The following TRAF3 variants were observed in gnomAD, a reference collection of about 807,000 sequenced individuals.
TRAF3 encodes the protein TNF receptor associated factor 3.
TRAF3 carries 13 observed loss-of-function variants against 62.3 expected under a neutral mutation model. The ratio of observed to expected loss-of-function variants is 0.21; its 90% CI spans 0.14 to 0.33. The LOEUF (loss-of-function observed/expected upper bound fraction) is 0.33. Ranked by LOEUF, TRAF3 falls within the 10% of genes least tolerant of loss-of-function variation. The pLI is 1.00. For synonymous variants in TRAF3, 269 were observed against 283.4 expected, an observed-to-expected ratio of 0.95 and a Z score of 0.51; for missense variants, 440 against 741.8, an observed-to-expected ratio of 0.59 and a Z score of 4.73.
intron 9 of TRAF3, among the ~76,000 whole-genome samples, chr14:102,896,818 C>G (rs1224012245): frequency 1.3e-5 from 2 of 152,192 alleles, no homozygotes; most frequent in East Asian, 3.8e-4. Context: ...AATCCCAACT[C>G]TTTGAGAGGC....
chr14:102,786,811 A>G (rs996239122), intron 1 of TRAF3, among the ~76,000 whole-genome samples: 3 of 152,146 alleles, frequency 2.0e-5, no homozygotes, highest in African/African-American at 7.2e-5. Flanking sequence ...ATAGTGTTAT[A>G]AGACCTTGTC....
intron 2 of TRAF3, among the ~76,000 whole-genome samples, chr14:102,835,719 C>G (rs949562962): frequency 2.0e-5 from 3 of 151,882 alleles, no homozygotes; most frequent in Non-Finnish European, 4.4e-5. Flanking sequence ...CACATGGACA[C>G]AAAGAAGGGA....
chr14:102,856,097 C>CAAAAAA (rs3070340), intron 2 of TRAF3, among the ~76,000 whole-genome samples: 4 of 62,944 alleles, frequency 6.4e-5, no homozygotes, highest in African/African-American at 2.3e-4. Flanking sequence ...CCCTGTCTCA[C>CAAAAAA]AAAAAAAAAA....
rs538121314 is a variant in TRAF3, at chr14:102,866,850, A to AACACACAC, written c.-17-3299_-17-3292dup. ...ACAGAACGAGACTCCATCTCTTGAA[A>AACACACAC]ACACACACACACACACACACACACA... On this transcript the variant is annotated intron_variant, in intron 2 of 11. Transcript: ENST00000392745. Among the ~76,000 whole-genome samples the AACACACAC allele has an allele frequency of 5.3e-3, 702 of 132,272 alleles. 6 individuals are homozygous for AACACACAC. Among genetic ancestry groups the AACACACAC allele is most frequent in the East Asian group, 0.018 (82 of 4,682 alleles). 86.8% of individuals were successfully genotyped at this position (132,272 alleles called of 152,430 possible). A position where few individuals can be genotyped will look rare whatever the true frequency, so the allele number is the denominator to read the frequency against.
At chr14:102,873,390 G>A (rs1051442586) in intron 4 of TRAF3, among the ~76,000 whole-genome samples, 3 of 152,182 alleles carry the variant, frequency 2.0e-5, no homozygotes, top group Non-Finnish European at 2.9e-5. Flanking sequence ...CATGGTACTC[G>A]GCCGCCTTGT....
intron 2 of TRAF3, among the ~76,000 whole-genome samples, chr14:102,836,611 G>C (rs771386219): frequency 2.0e-5 from 3 of 152,210 alleles, no homozygotes; most frequent in Non-Finnish European, 2.9e-5. Context: ...ATGCTACTTA[G>C]GAGAGTTTGT....
chr14:102,837,584 A>G (rs956818054), intron 2 of TRAF3, among the ~76,000 whole-genome samples: 3 of 152,164 alleles, frequency 2.0e-5, no homozygotes, highest in Non-Finnish European at 4.4e-5. Context: ...AATGTCATAT[A>G]TGAGTCCTAA....
intron 2 of TRAF3, among the ~76,000 whole-genome samples, chr14:102,846,702 G>A (rs191278854): frequency 1.3e-5 from 2 of 150,180 alleles, no homozygotes; most frequent in African/African-American, 4.9e-5. Flanking sequence ...TGTGGTCCCA[G>A]CTACTTGGGA....
intron 1 of TRAF3, among the ~76,000 whole-genome samples, chr14:102,789,813 AC>A (rs1897703189): frequency 6.7e-6 from 1 of 149,962 alleles, no homozygotes; most frequent in South Asian, 2.1e-4. Context: ...TGAATGTTAA[AC>A]TTTTTTTTTT....
intron 1 of TRAF3, among the ~76,000 whole-genome samples, chr14:102,817,043 G>A (rs1394900242): frequency 5.3e-5 from 8 of 152,286 alleles, no homozygotes; most frequent in African/African-American, 1.9e-4. Context: ...CATTTCCTGA[G>A]CCAGGCATTG....
chr14:102,868,653 A>G (rs1042890258), intron 2 of TRAF3, among the ~76,000 whole-genome samples: 2 of 152,222 alleles, frequency 1.3e-5, no homozygotes, highest in Middle Eastern at 3.2e-3. Flanking sequence ...TATCCAGAAA[A>G]CAAAGACCAG....
At chr14:102,779,661 A>G (rs1048157861) in intron 1 of TRAF3, among the ~76,000 whole-genome samples, 12 of 152,222 alleles carry the variant, frequency 7.9e-5, no homozygotes, top group African/African-American at 2.9e-4. Context: ...AGGTTAGGTG[A>G]GAATGATTGA....
intron 2 of TRAF3, among the ~76,000 whole-genome samples, chr14:102,849,674 T>C (rs2139721718): frequency 6.6e-6 from 1 of 152,348 alleles, no homozygotes; most frequent in South Asian, 2.1e-4. Flanking sequence ...CCTGCCTGTC[T>C]GGTAAGAATC....
intron 2 of TRAF3, among the ~76,000 whole-genome samples, chr14:102,851,626 C>T (rs1887044460): frequency 2.6e-5 from 4 of 152,222 alleles, no homozygotes; most frequent in African/African-American, 2.4e-5. Context: ...CACCTGTAGT[C>T]CCAGCTACTC....
chr14:102,781,380 G>A (rs554130026), intron 1 of TRAF3, among the ~76,000 whole-genome samples: 1 of 152,320 alleles, frequency 6.6e-6, no homozygotes, highest in South Asian at 2.1e-4. Context: ...ACTGTGAAGG[G>A]CATGGTCTGT....
chr14:102,902,946 C>G (rs1418574449), intron 10 of TRAF3: 2 of 421,836 alleles, frequency 4.7e-6, no homozygotes, highest in East Asian at 5.3e-5. Context: ...CACTTGCCAC[C>G]TGTCACTTTG....
intron 1 of TRAF3, among the ~76,000 whole-genome samples, chr14:102,779,145 G>A (rs1897164694): frequency 6.6e-6 from 1 of 152,140 alleles, no homozygotes; most frequent in South Asian, 2.1e-4. Flanking sequence ...AGCATCGCTG[G>A]TGAAAATCAG....
intron 1 of TRAF3, among the ~76,000 whole-genome samples, chr14:102,809,529 CTTTTTTTTTTT>C (rs60882875): frequency 8.7e-6 from 1 of 114,916 alleles, no homozygotes; most frequent in Non-Finnish European, 1.7e-5. Context: ...ACAGCATAGA[CTTTTTTTTTTT>C]TTTTTTTTTT....
At chr14:102,782,370 A>T (rs1010611137) in intron 1 of TRAF3, among the ~76,000 whole-genome samples, 1 of 151,928 alleles carries the variant, frequency 6.6e-6, no homozygotes, top group Non-Finnish European at 1.5e-5. Context: ...AGTAGCTGGG[A>T]CTACAGGTGC....
Sources: allele counts gnomAD v4.1 joint callset (sites outside exome capture counted in the v4.1 genomes callset), GRCh38; gene constraint gnomAD v4.1.1; transcripts MANE v1.5; gene names NCBI Gene and HGNC (gene_info 2026-07-23, HGNC 2026-07-21).